Variants in MCC observed in about 807,000 individuals in gnomAD.
The protein encoded by MCC is MCC regulator of Wnt signaling pathway.
MCC carries 90 observed loss-of-function variants against 116.2 expected under a neutral mutation model. The observed-to-expected ratio is 0.77, with a 90% CI of 0.65 to 0.92. The LOEUF (loss-of-function observed/expected upper bound fraction) is 0.92, where lower values mean the gene tolerates loss of function less well. Among genes scored for constraint, MCC ranks in the 40% least tolerant of loss-of-function variants. The pLI is 0.00. For missense variants in MCC, 1,516 were observed against 1,312.2 expected, an observed-to-expected ratio of 1.16 and a Z score of -2.40; for synonymous variants, 578 against 510.5, an observed-to-expected ratio of 1.13 and a Z score of -1.78.
At chr5:113,109,538 T>C (rs1756956064) in intron 6 of MCC, among the ~76,000 whole-genome samples, 1 of 152,116 alleles carries the variant, frequency 6.6e-6, no homozygotes, top group Non-Finnish European at 1.5e-5. Context: ...AGAGTTTATG[T>C]TGGCATGAAA....
At chr5:113,275,768 C>T (rs1220970561) in intron 3 of MCC, among the ~76,000 whole-genome samples, 1 of 152,118 alleles carries the variant, frequency 6.6e-6, no homozygotes, top group Non-Finnish European at 1.5e-5. Context: ...GGAGGATGCG[C>T]ATAGCTTATA....
chr5:113,296,793 A>G (rs1384510807), intron 3 of MCC, among the ~76,000 whole-genome samples: 3 of 152,208 alleles, frequency 2.0e-5, no homozygotes, highest in African/African-American at 7.2e-5. Flanking sequence ...AATCACACTC[A>G]TGAGTAACTA....
chr5:113,455,181 C>T (rs1414623567), intron 1 of MCC, among the ~76,000 whole-genome samples: 3 of 152,068 alleles, frequency 2.0e-5, no homozygotes, highest in Non-Finnish European at 1.5e-5. Context: ...TCATCCTCAA[C>T]TTGGCAGACC....
chr5:113,255,300 A>G (rs373343474), intron 3 of MCC, among the ~76,000 whole-genome samples: 18 of 152,322 alleles, frequency 1.2e-4, no homozygotes, highest in African/African-American at 4.1e-4. Context: ...AAGTCTTGCT[A>G]AGAAGAAAGT....
chr5:113,458,227 C>G (rs1478248753), intron 1 of MCC, among the ~76,000 whole-genome samples: 3 of 152,340 alleles, frequency 2.0e-5, no homozygotes, highest in Non-Finnish European at 4.4e-5. Flanking sequence ...TGGGTCCACA[C>G]TGCCTTTATG....
chr5:113,249,692 T>C (rs28497391), intron 3 of MCC, among the ~76,000 whole-genome samples: 4,172 of 152,316 alleles, frequency 0.027, 197 homozygotes, highest in African/African-American at 0.094. Flanking sequence ...CCTGCCACTG[T>C]TGGGTTTCAG....
intron 3 of MCC, among the ~76,000 whole-genome samples, chr5:113,175,982 A>C (rs1425042003): frequency 6.6e-6 from 1 of 152,156 alleles, no homozygotes; most frequent in Non-Finnish European, 1.5e-5. Flanking sequence ...CAGCAGGGAA[A>C]AAACACTTTC....
intron 11 of MCC, among the ~76,000 whole-genome samples, chr5:113,079,765 A>G (rs923470793): frequency 2.0e-5 from 3 of 152,252 alleles, no homozygotes; most frequent in Non-Finnish European, 4.4e-5. Context: ...CTTCATGACT[A>G]AAACACCAAA....
chr5:113,154,319 A>G (rs969181130), intron 3 of MCC, among the ~76,000 whole-genome samples: 12 of 152,252 alleles, frequency 7.9e-5, no homozygotes, highest in Non-Finnish European at 1.2e-4. Context: ...AGAATAAAAT[A>G]TGTCTCTTAC....
At chr5:113,458,328 G>A (rs1278342986) in intron 1 of MCC, among the ~76,000 whole-genome samples, 2 of 151,534 alleles carry the variant, frequency 1.3e-5, no homozygotes, top group East Asian at 1.9e-4. Context: ...AACTCCAGAC[G>A]TGCCGCCTTA....
chr5:113,081,240 G>A (rs1429801040), intron 11 of MCC, among the ~76,000 whole-genome samples: 1 of 152,164 alleles, frequency 6.6e-6, no homozygotes, highest in African/African-American at 2.4e-5. Flanking sequence ...TGACAATGGA[G>A]GTGAGGTCAA....
intron 1 of MCC, among the ~76,000 whole-genome samples, chr5:113,414,582 T>G (rs1345254650): frequency 6.6e-6 from 1 of 152,202 alleles, no homozygotes; most frequent in Non-Finnish European, 1.5e-5. Flanking sequence ...AGACTAGAAT[T>G]GCAACCCCTG....
chr5:113,052,528 C>T (rs6594665), intron 15 of MCC, among the ~76,000 whole-genome samples: 62,869 of 151,914 alleles, frequency 0.41, 13,374 homozygotes, highest in African/African-American at 0.52. Context: ...TCCCAAACTT[C>T]GCCCAGATTC....
chr5:113,245,350 G>C (rs1764533611), intron 3 of MCC, among the ~76,000 whole-genome samples: 1 of 150,696 alleles, frequency 6.6e-6, no homozygotes, highest in Non-Finnish European at 1.5e-5. Context: ...AACCTTGAGG[G>C]ACAAACCAAA....
At chr5:113,111,439 C>T (rs974826358) in intron 6 of MCC, among the ~76,000 whole-genome samples, 25 of 152,180 alleles carry the variant, frequency 1.6e-4, no homozygotes, top group Non-Finnish European at 4.4e-5. Context: ...TGGCACCTGG[C>T]CGGGGTGGGT....
At chr5:113,293,941 G>A (rs73246681) in intron 3 of MCC, among the ~76,000 whole-genome samples, 19,133 of 151,946 alleles carry the variant, frequency 0.13, 1,975 homozygotes, top group Admixed American at 0.26. Context: ...CACCAAATTA[G>A]TTACCGTCGG....
chr5:113,476,219 A>C (rs550821396), intron 1 of MCC, among the ~76,000 whole-genome samples: 119 of 152,322 alleles, frequency 7.8e-4, no homozygotes, highest in African/African-American at 2.7e-3. Flanking sequence ...TGAATACTCA[A>C]GGGACCAACC....
At chr5:113,268,715 AT>A (rs1561495737) in intron 3 of MCC, among the ~76,000 whole-genome samples, 3 of 152,132 alleles carry the variant, frequency 2.0e-5, no homozygotes, top group African/African-American at 4.8e-5. Context: ...CAAAACAAAA[AT>A]TTTTTTAGTT....
At chr5:113,486,272 C>G (rs1211851301) in intron 1 of MCC, among the ~76,000 whole-genome samples, 1 of 152,202 alleles carries the variant, frequency 6.6e-6, no homozygotes, top group Non-Finnish European at 1.5e-5. Flanking sequence ...TAAGCAGACA[C>G]ATTAAAGTAA....
Sources: gnomAD v4.1 joint callset for allele counts (sites outside exome capture counted in the v4.1 genomes callset) on GRCh38, gnomAD v4.1.1 for gene constraint, MANE v1.5 for transcripts, NCBI Gene and HGNC (gene_info 2026-07-23, HGNC 2026-07-21) for gene names.